The following TAFA1 variants were observed in gnomAD, a reference collection of about 807,000 sequenced individuals.
TAFA1 encodes chemokine-like protein TAFA-1.
In TAFA1, 4 loss-of-function variants were observed where a neutral mutation model predicts 18.5. That is an observed-to-expected ratio of 0.22 (90% CI 0.11 to 0.49). TAFA1 has a LOEUF of 0.49. TAFA1 is among the 20% of genes least tolerant of loss of function. The probability of loss-of-function intolerance (pLI) is 0.98; values close to 1 mark genes in which losing one functional copy is unlikely to be tolerated. For missense variants in TAFA1, 147 were observed against 169.0 expected (o/e 0.87, Z 0.72); for synonymous variants, 56 against 55.2 (o/e 1.01, Z -0.06).
At chr3:68,195,940 CATGTCACTTATA>C (rs1340979119) in intron 2 of TAFA1, among the ~76,000 whole-genome samples, 1 of 151,646 alleles carries the variant, frequency 6.6e-6, no homozygotes, top group African/African-American at 2.4e-5. Flanking sequence ...GTCTTGGACC[CATGTCACTTATA>C]ATGTACATAT....
intron 3 of TAFA1, among the ~76,000 whole-genome samples, chr3:68,425,097 A>G (rs1477391273): frequency 2.6e-5 from 4 of 152,018 alleles, no homozygotes. Flanking sequence ...GCTCAACTGC[A>G]GCTTGGAAAT....
chr3:68,320,241 G>A (rs1491755), intron 2 of TAFA1, among the ~76,000 whole-genome samples: 123,224 of 151,962 alleles, frequency 0.81, 50,318 homozygotes, highest in East Asian at 0.92. Flanking sequence ...ACAAGGCTTT[G>A]GTTTGTGGCC....
At chr3:68,256,091 A>G (rs572699056) in intron 2 of TAFA1, among the ~76,000 whole-genome samples, 3 of 152,250 alleles carry the variant, frequency 2.0e-5, no homozygotes, top group African/African-American at 7.2e-5. Flanking sequence ...AGATTCTAAC[A>G]TCAGATCAGA....
chr3:68,402,362 G>A (rs1048625925), intron 2 of TAFA1, among the ~76,000 whole-genome samples: 44 of 152,252 alleles, frequency 2.9e-4, no homozygotes, highest in African/African-American at 1.0e-3. Flanking sequence ...TAATTCGGAC[G>A]GCCTTAGACT....
At chr3:68,182,966 A>C (rs1435389536) in intron 2 of TAFA1, among the ~76,000 whole-genome samples, 2 of 152,152 alleles carry the variant, frequency 1.3e-5, no homozygotes, top group African/African-American at 4.8e-5. Flanking sequence ...AAATGTTGAA[A>C]CAAATCATCA....
chr3:68,123,201 C>T (rs1425089678), intron 2 of TAFA1, among the ~76,000 whole-genome samples: 3 of 151,998 alleles, frequency 2.0e-5, no homozygotes, highest in African/African-American at 7.3e-5. Flanking sequence ...ATTGTGAGTG[C>T]AGAAGAGTGG....
At chr3:68,219,891 A>G (rs1367795287) in intron 2 of TAFA1, among the ~76,000 whole-genome samples, 2 of 152,178 alleles carry the variant, frequency 1.3e-5, no homozygotes, top group African/African-American at 4.8e-5. Flanking sequence ...AGCACTGGTT[A>G]TATGTTTGCA....
chr3:68,362,860 G>A (rs1442723037), intron 2 of TAFA1, among the ~76,000 whole-genome samples: 4 of 151,368 alleles, frequency 2.6e-5, no homozygotes, highest in Non-Finnish European at 4.4e-5. Flanking sequence ...TAAATGTGGG[G>A]CATGTCATAG....
chr3:68,088,254 C>G (rs553248786), intron 2 of TAFA1, among the ~76,000 whole-genome samples: 1 of 152,176 alleles, frequency 6.6e-6, no homozygotes, highest in Non-Finnish European at 1.5e-5. Flanking sequence ...ATCATACTGT[C>G]AGACTGCCTC....
intron 3 of TAFA1, among the ~76,000 whole-genome samples, chr3:68,501,263 A>G (rs925405392): frequency 6.6e-6 from 1 of 151,766 alleles, no homozygotes; most frequent in African/African-American, 2.4e-5. Context: ...TCTTTTGCTG[A>G]CTCTATTGAA....
At chr3:68,219,425 C>T (rs533243298) in intron 2 of TAFA1, among the ~76,000 whole-genome samples, 1 of 152,050 alleles carries the variant, frequency 6.6e-6, no homozygotes, top group African/African-American at 2.4e-5. Context: ...ACTCTGTTAC[C>T]CTATCTTTTG....
At chr3:67,999,830 A>C, upstream of TAFA1, among the ~76,000 whole-genome samples, 1 of 148,894 alleles carries the variant, frequency 6.7e-6, no homozygotes, top group Non-Finnish European at 1.5e-5. Flanking sequence ...GTTTCTCATC[A>C]CTCAGGCTGG....
At chr3:68,487,548 C>T (rs928000926) in intron 3 of TAFA1, among the ~76,000 whole-genome samples, 1 of 151,818 alleles carries the variant, frequency 6.6e-6, no homozygotes, top group African/African-American at 2.4e-5. Context: ...GAGATCGAGA[C>T]CATCCTGGCT....
At chr3:68,024,805 G>GCACA (rs3037727) in intron 2 of TAFA1, among the ~76,000 whole-genome samples, 1,366 of 73,560 alleles carry the variant, frequency 0.019, 10 homozygotes, top group African/African-American at 0.043. Flanking sequence ...TCTCCTTAAT[G>GCACA]CACACACACA....
intron 2 of TAFA1, among the ~76,000 whole-genome samples, chr3:68,149,608 G>T (rs918714981): frequency 2.0e-5 from 3 of 152,292 alleles, no homozygotes; most frequent in Non-Finnish European, 4.4e-5. Context: ...TTGTGGGAAT[G>T]AATAGAGCAA....
chr3:68,079,263 G>A (rs74685871), intron 2 of TAFA1, among the ~76,000 whole-genome samples: 2 of 152,108 alleles, frequency 1.3e-5, no homozygotes, highest in Non-Finnish European at 1.5e-5. Context: ...CAAAAAACCA[G>A]CTCCTGGATT....
intron 2 of TAFA1, among the ~76,000 whole-genome samples, chr3:68,147,449 T>G (rs747247581): frequency 1.3e-5 from 2 of 151,976 alleles, no homozygotes; most frequent in African/African-American, 4.8e-5. Flanking sequence ...GCCTAGTGTC[T>G]CTCCCATGTG....
At position 68,423,066 on chromosome 3, in the gene TAFA1, A is replaced by C. The variant is rs1293994906; in HGVS notation, c.259+5646A>C. ...AAGCAAATGATTTAAAACAAACAAA[A>C]ATAAATTTCTGGAGGGCTTATGAAG... On this transcript the variant is annotated intron_variant, in intron 3 of 4. Transcript: ENST00000478136. 2.6e-5 allele frequency among the ~76,000 whole-genome samples: 4 copies of C among 152,200 alleles called. No homozygotes were observed. In the South Asian group the frequency reaches 8.3e-4, roughly 32 times the overall value.
intron 3 of TAFA1, among the ~76,000 whole-genome samples, chr3:68,465,056 G>A (rs115995537): frequency 1.3e-3 from 203 of 152,132 alleles, no homozygotes; most frequent in East Asian, 1.9e-3. Flanking sequence ...AATCCCCTTC[G>A]CTAGTGATTG....
Sources: allele counts gnomAD v4.1 joint callset (sites outside exome capture counted in the v4.1 genomes callset), GRCh38; gene constraint gnomAD v4.1.1; transcripts MANE v1.5; gene names NCBI Gene and HGNC (gene_info 2026-07-23, HGNC 2026-07-21).